The following TENM2 variants were observed in gnomAD, a reference collection of about 807,000 sequenced individuals.
TENM2 encodes teneurin-2.
A neutral mutation model predicts 245.2 loss-of-function variants in TENM2; 52 were observed. The ratio of observed to expected loss-of-function variants is 0.21; its 90% CI spans 0.17 to 0.27. TENM2 has a LOEUF of 0.27. TENM2 is among the 10% of genes least tolerant of loss of function. The pLI is 1.00. For synonymous variants in TENM2, 1,363 were observed against 1,438.9 expected (o/e 0.95, Z 1.19); for missense variants, 3,046 against 3,666.8 (o/e 0.83, Z 4.37).
At chr5:166,989,685 C>T in the TENM2 span, among the ~76,000 whole-genome samples, 3 of 151,724 alleles carry the variant, frequency 2.0e-5, no homozygotes, top group East Asian at 1.9e-4. Flanking sequence ...AGCCACTGCA[C>T]CTGGCCTACC....
intron 4 of TENM2, among the ~76,000 whole-genome samples, chr5:167,979,726 A>G (rs1442208135): frequency 6.6e-6 from 1 of 152,212 alleles, no homozygotes; most frequent in Admixed American, 6.5e-5. Flanking sequence ...GAGAATTCCA[A>G]TCTAAAAGAT....
chr5:168,007,005 G>A (rs936486768), intron 5 of TENM2, among the ~76,000 whole-genome samples: 1 of 152,158 alleles, frequency 6.6e-6, no homozygotes, highest in Non-Finnish European at 1.5e-5. Flanking sequence ...ACAGGCCCAA[G>A]CTTATCTCTT....
intron 8 of TENM2, among the ~76,000 whole-genome samples, chr5:168,097,624 GTA>G (rs1034496670): frequency 1.5e-5 from 2 of 130,528 alleles, no homozygotes; most frequent in African/African-American, 2.9e-5. Flanking sequence ...GTGTGTGTGT[GTA>G]TTTTTAGTAG....
the TENM2 span, among the ~76,000 whole-genome samples, chr5:166,986,760 T>C: frequency 6.6e-6 from 1 of 152,298 alleles, no homozygotes; most frequent in East Asian, 1.9e-4. Context: ...TACGACTTAT[T>C]GTGAATTGCC....
chr5:167,549,165 T>G (rs1772768092), intron 2 of TENM2, among the ~76,000 whole-genome samples: 1 of 152,184 alleles, frequency 6.6e-6, no homozygotes, highest in African/African-American at 2.4e-5. Flanking sequence ...CACCCAGGAA[T>G]GAATTTCAAC....
At chr5:168,199,175 A>C in intron 16 of TENM2, 61 bp downstream of exon 18, 1 of 1,538,638 alleles carries the variant, frequency 6.5e-7, no homozygotes, top group Non-Finnish European at 8.9e-7. Context: ...CCAACTGGAC[A>C]CTGCCTCTCC....
chr5:167,253,300 G>T, the TENM2 span, among the ~76,000 whole-genome samples: 31 of 139,732 alleles, frequency 2.2e-4, no homozygotes, highest in Non-Finnish European at 3.5e-4. Context: ...CTTTCTTCAT[G>T]TTGCTGAAGC....
At chr5:167,014,075 A>G in the TENM2 span, among the ~76,000 whole-genome samples, 1 of 151,294 alleles carries the variant, frequency 6.6e-6, no homozygotes, top group African/African-American at 2.4e-5. Context: ...TGTGAAAAGA[A>G]AGCATTAGAT....
rs559591448 is a variant in TENM2 at position 168,004,516 on chromosome 5, C to T, written c.1186+11334C>T. ...TTTGGGATGCACGCATGCGCGCGCG[C>T]GCACACACACACACACACACACACA... On this transcript the variant is annotated intron_variant, in intron 5 of 28. Coordinates refer to ENST00000518659, the Ensembl canonical transcript of TENM2. Among the ~76,000 whole-genome samples the T allele has an allele frequency of 1.0e-4, 8 of 78,182 alleles. No individual in the cohort carries two copies. The South Asian group carries it at 4.0e-3, about 39-fold the overall frequency. The allele number at this position is 78,182 out of a possible 152,430, so 51.3% of individuals were successfully genotyped here. A position where few individuals can be genotyped will look rare whatever the true frequency, so the allele number is the denominator to read the frequency against.
chr5:167,265,959 A>C, the TENM2 span, among the ~76,000 whole-genome samples: 1 of 152,148 alleles, frequency 6.6e-6, no homozygotes, highest in Non-Finnish European at 1.5e-5. Context: ...CTGGCATTGC[A>C]ATGAATTTAT....
chr5:167,656,399 C>T (rs868287564), intron 2 of TENM2, among the ~76,000 whole-genome samples: 4 of 152,054 alleles, frequency 2.6e-5, no homozygotes, highest in African/African-American at 7.2e-5. Flanking sequence ...GAGGTGTGAA[C>T]AATCGTGGCA....
intron 2 of TENM2, among the ~76,000 whole-genome samples, chr5:167,567,824 C>G (rs1774007042): frequency 1.3e-5 from 2 of 152,024 alleles, no homozygotes; most frequent in Non-Finnish European, 2.9e-5. Flanking sequence ...TTTTAAAAGG[C>G]CAGGGACTGT....
chr5:167,960,548 C>T (rs1780929406), intron 4 of TENM2, among the ~76,000 whole-genome samples: 1 of 152,082 alleles, frequency 6.6e-6, no homozygotes, highest in Non-Finnish European at 1.5e-5. Flanking sequence ...CCCCTCCCTC[C>T]CACCAAGCTG....
At chr5:167,929,075 AAGAAAGAAAG>A (rs1778036546) in intron 3 of TENM2, among the ~76,000 whole-genome samples, 1 of 66,182 alleles carries the variant, frequency 1.5e-5, no homozygotes, top group Admixed American at 1.5e-4. Context: ...GAAAGAAAGA[AAGAAAGAAAG>A]AAAGAAAGAA....
chr5:167,927,754 T>C (rs546095591), intron 3 of TENM2, among the ~76,000 whole-genome samples: 2 of 152,222 alleles, frequency 1.3e-5, no homozygotes, highest in Non-Finnish European at 2.9e-5. Context: ...GGAGTGAGGT[T>C]GGTGTCAGGA....
chr5:168,128,663 G>A (rs1379459758), intron 12 of TENM2, among the ~76,000 whole-genome samples: 3 of 152,238 alleles, frequency 2.0e-5, no homozygotes, highest in East Asian at 3.9e-4. Context: ...AGATGGATTC[G>A]AGCAGGAGTC....
At chr5:168,039,557 G>A (rs1425023166) in intron 5 of TENM2, among the ~76,000 whole-genome samples, 2 of 152,062 alleles carry the variant, frequency 1.3e-5, no homozygotes, top group Admixed American at 1.3e-4. Context: ...TCTTAACCAG[G>A]AAAAAAATTG....
At chr5:167,044,513 G>C in the TENM2 span, among the ~76,000 whole-genome samples, 21 of 152,164 alleles carry the variant, frequency 1.4e-4, no homozygotes, top group Non-Finnish European at 2.4e-4. Flanking sequence ...TCCAGGTTAA[G>C]AACCCATCAG....
the TENM2 span, among the ~76,000 whole-genome samples, chr5:166,993,071 A>G: frequency 6.6e-6 from 1 of 151,712 alleles, no homozygotes; most frequent in African/African-American, 2.4e-5. Context: ...ATTGTAGGCT[A>G]TCTTTAGGCT....
Sources: gnomAD v4.1 joint callset for allele counts (sites outside exome capture counted in the v4.1 genomes callset) on GRCh38, gnomAD v4.1.1 for gene constraint, MANE v1.5 for transcripts, NCBI Gene and HGNC (gene_info 2026-07-23, HGNC 2026-07-21) for gene names.